OR7D2: variants seen among roughly 807,000 people sequenced by gnomAD.
OR7D2 encodes the protein olfactory receptor 7D2.
For synonymous variants in OR7D2, 158 were observed against 158.7 expected, an observed-to-expected ratio of 1.00 and a Z score of 0.03; for missense variants, 370 against 384.1, an observed-to-expected ratio of 0.96 and a Z score of 0.31.
intron 2 of OR7D2, among the ~76,000 whole-genome samples, chr19:9,183,677 G>C (rs1024428424): frequency 6.6e-6 from 1 of 151,876 alleles, no homozygotes; most frequent in Non-Finnish European, 1.5e-5. Flanking sequence ...ACAAGAGTTG[G>C]CCGGGCGCGG....
At chr19:9,181,993 T>C (rs2050992671) in intron 2 of OR7D2, among the ~76,000 whole-genome samples, 1 of 152,176 alleles carries the variant, frequency 6.6e-6, no homozygotes, top group South Asian at 2.1e-4. Context: ...TTAAGATAGA[T>C]GGTTGGGATT....
chr19:9,180,591 A>T (rs2050982851), intron 1 of OR7D2, 107 bp from the exon 2 acceptor site: 1 of 151,614 alleles, frequency 6.6e-6, no homozygotes, highest in African/African-American at 2.4e-5. Flanking sequence ...AGATAACTTC[A>T]TTTCACTCCC....
chr19:9,186,811 C>T lies in OR7D2; in HGVS notation c.*91C>T, dbSNP rs1369687560. On this transcript the variant is annotated 3_prime_UTR_variant, in exon 3 of 3. Transcript: ENST00000641288. ...AATTCTTACTCTTTAAAATTAAAAA[C>T]ATTTTTTTATACTTTGAGAGTACAA... The T allele has an allele frequency of 5.6e-6, 5 of 896,408 alleles. No individual in the cohort carries two copies. Among genetic ancestry groups the T allele is most frequent in the African/African-American group, 5.1e-5 (3 of 58,824 alleles). The allele number at this position is 896,408 out of a possible 1,614,324, so 55.5% of individuals were successfully genotyped here. A position where few individuals can be genotyped will look rare whatever the true frequency, so the allele number is the denominator to read the frequency against.
At chr19:9,182,433 G>A (rs1330855003) in intron 2 of OR7D2, 2 of 323,632 alleles carry the variant, frequency 6.2e-6, no homozygotes, top group Non-Finnish European at 1.2e-5. Flanking sequence ...TGGGAATTCG[G>A]GAATCTCGGT....
At chr19:9,184,797 G>A (rs2051018442) in intron 2 of OR7D2, among the ~76,000 whole-genome samples, 1 of 152,008 alleles carries the variant, frequency 6.6e-6, no homozygotes, top group South Asian at 2.1e-4. Context: ...GTGTATGTGT[G>A]TGTATATATA....
intron 2 of OR7D2, among the ~76,000 whole-genome samples, chr19:9,184,298 C>T (rs1331804876): frequency 6.6e-6 from 1 of 151,964 alleles, no homozygotes; most frequent in Non-Finnish European, 1.5e-5. Flanking sequence ...CCTGTAATCC[C>T]AGCTACTCAA....
At chr19:9,183,637 AT>A (rs1568322542) in intron 2 of OR7D2, among the ~76,000 whole-genome samples, 1 of 152,004 alleles carries the variant, frequency 6.6e-6, no homozygotes, top group Non-Finnish European at 1.5e-5. Context: ...TTAGCTAACT[AT>A]TAACTAACTA....
chr19:9,179,563 A>G (rs2050976361), intron 1 of OR7D2, among the ~76,000 whole-genome samples: 3 of 151,334 alleles, frequency 2.0e-5, no homozygotes, highest in South Asian at 2.1e-4. Context: ...AAAAGATTCT[A>G]TTGCAACTGT....
At position 9,187,357 on chromosome 19, in the gene OR7D2, G is replaced by C. The variant is rs936028524; in HGVS notation, c.*637G>C. Reference sequence around the variant, plus strand: ...TGTTTCTTTACTACCTTACTTAAGAGAATGGCTTCCAGTCCCATCGATGTT... The same window carrying C: ...TGTTTCTTTACTACCTTACTTAAGACAATGGCTTCCAGTCCCATCGATGTT... On this transcript the variant is annotated 3_prime_UTR_variant, in exon 3 of 3. Transcript: ENST00000641288. The C allele has an allele frequency of 6.0e-6, 1 of 166,830 alleles. No individual in the cohort carries two copies. Among genetic ancestry groups the C allele is most frequent in the Non-Finnish European group, 1.5e-5 (1 of 68,150 alleles). 10.3% of individuals were successfully genotyped at this position (166,830 alleles called of 1,614,324 possible).
intron 2 of OR7D2, among the ~76,000 whole-genome samples, chr19:9,183,923 A>G (rs1482945572): frequency 1.7e-5 from 2 of 119,938 alleles, no homozygotes; most frequent in Non-Finnish European, 3.3e-5. Context: ...GCGCCACTGC[A>G]CTCCAGCCTG....
At chr19:9,182,872 C>T (rs186717138) in intron 2 of OR7D2, 4 of 318,952 alleles carry the variant, frequency 1.3e-5, no homozygotes, top group African/African-American at 6.6e-5. Context: ...TAAAATGGAC[C>T]TCATCGGCTT....
At chr19:9,185,694 C>T (rs1357890797) in intron 2 of OR7D2, 75 bp from the exon 3 acceptor site, 18 of 878,360 alleles carry the variant, frequency 2.0e-5, no homozygotes, top group Non-Finnish European at 2.8e-5. Context: ...AGTGATCCTT[C>T]CATCTCAGCC....
chr19:9,183,000 C>A, intron 2 of OR7D2: 1 of 451,482 alleles, frequency 2.2e-6, no homozygotes, highest in Admixed American at 2.7e-5. Context: ...TTGACATACA[C>A]GGCATCAGGG....
chr19:9,180,002 T>TAAA (rs111281985), intron 1 of OR7D2, among the ~76,000 whole-genome samples: 3 of 145,630 alleles, frequency 2.1e-5, no homozygotes, highest in Admixed American at 1.4e-4. Flanking sequence ...AAACTCCGTC[T>TAAA]AAAAAAAAAA....
At chr19:9,185,250 A>G (rs1047706315) in intron 2 of OR7D2, among the ~76,000 whole-genome samples, 3 of 152,172 alleles carry the variant, frequency 2.0e-5, no homozygotes, top group African/African-American at 7.2e-5. Flanking sequence ...CACTACAGTA[A>G]CCATTTTACT....
At position 9,185,881 on chromosome 19, in the gene OR7D2, A is replaced by G. The variant is rs1381106950; in HGVS notation, c.100A>G (p.Met34Val). ...QPFIFGLFLS[M>V]YLVTVLGNLL... ...GTTCATATTTGGGCTGTTCCTGTCC[A>G]TGTACCTGGTGACGGTGCTGGGAAA... The change falls in exon 3 of 3, where the codon ATG becomes GTG. Residue 34 changes from methionine to valine, a missense_variant. Coordinates refer to ENST00000641288, the MANE Select transcript of OR7D2 (RefSeq NM_175883.4). The G allele has an allele frequency of 1.2e-5, 20 of 1,613,844 alleles. No homozygotes were observed. Among genetic ancestry groups the G allele is most frequent in the South Asian group, 2.2e-5 (2 of 91,064 alleles).
chr19:9,183,642 C>G (rs75035840), intron 2 of OR7D2, among the ~76,000 whole-genome samples: 4,004 of 151,630 alleles, frequency 0.026, 183 homozygotes, highest in African/African-American at 0.091. Flanking sequence ...TAACTATTAA[C>G]TAACTATTCA....
chr19:9,186,079 C>T lies in OR7D2; in HGVS notation c.298C>T (p.Gln100Ter). 1 of 1,614,114 alleles carries T rather than the reference C, an allele frequency of 6.2e-7. No homozygotes were observed. The highest frequency in any genetic ancestry group is 8.5e-7 in the Non-Finnish European group (1 of 1,180,008). ...CATCTCCTACATGGACTGCCTCACA[C>T]AGGTCTATTTCTCCATGTTTTTTCC... Reference protein sequence around the residue: ...KAISYMDCLTQVYFSMFFPIL... With the variant: ...KAISYMDCLT The change falls in exon 3 of 3, where the codon CAG (glutamine) becomes TAG (stop). Residue 100 changes from glutamine to a stop codon, truncating the protein, a stop_gained. Coordinates refer to ENST00000641288, the MANE Select transcript of OR7D2 (RefSeq NM_175883.4). LOFTEE classifies it low-confidence loss of function (END_TRUNC).
chr19:9,185,091 A>G (rs558551488), intron 2 of OR7D2, among the ~76,000 whole-genome samples: 17 of 152,172 alleles, frequency 1.1e-4, no homozygotes, highest in Non-Finnish European at 2.2e-4. Context: ...TATAGGATAA[A>G]CGAGTCTAGA....
Sources: gnomAD v4.1 joint callset for allele counts (sites outside exome capture counted in the v4.1 genomes callset) on GRCh38, gnomAD v4.1.1 for gene constraint, MANE v1.5 for transcripts, NCBI Gene and HGNC (gene_info 2026-07-23, HGNC 2026-07-21) for gene names.